Variants in UXS1 observed in about 807,000 individuals in gnomAD.
UXS1 encodes UDP-glucuronate decarboxylase 1.
Under a neutral mutation model 62.6 loss-of-function variants are expected in UXS1, and 33 were observed. The ratio of observed to expected loss-of-function variants is 0.53; its 90% confidence interval spans 0.40 to 0.70. UXS1 has a LOEUF of 0.70. Among genes scored for constraint, UXS1 ranks in the 30% least tolerant of loss-of-function variants. The pLI is 0.00. For missense variants in UXS1, 434 were observed against 556.3 expected, an observed-to-expected ratio of 0.78 and a Z score of 2.21; for synonymous variants, 213 against 206.8, an observed-to-expected ratio of 1.03 and a Z score of -0.26.
chr2:106,138,432 G>C, intron 6 of UXS1: 1 of 985,468 alleles, frequency 1.0e-6, no homozygotes, highest in Non-Finnish European at 1.2e-6. Context: ...TCTAGAGGGA[G>C]GGGAGGCCCC....
chr2:106,143,408 C>CAAAAAAAAAAAAAAAAAAAAAAAAAAAA (rs60493984), intron 6 of UXS1, among the ~76,000 whole-genome samples: 1 of 38,632 alleles, frequency 2.6e-5, no homozygotes, highest in Admixed American at 3.5e-4. Flanking sequence ...GACTCCGTCT[C>CAAAAAAAAAAAAAAAAAAAAAAAAAAAA]AAAAAAAAAA....
intron 13 of UXS1, among the ~76,000 whole-genome samples, chr2:106,098,399 G>A (rs1677303534): frequency 6.6e-6 from 1 of 152,190 alleles, no homozygotes; most frequent in South Asian, 2.1e-4. Context: ...TGCTTGACAT[G>A]ACCAGTTCGG....
intron 1 of UXS1, among the ~76,000 whole-genome samples, chr2:106,192,268 T>C (rs1013768497): frequency 1.8e-4 from 27 of 152,184 alleles, no homozygotes; most frequent in African/African-American, 6.5e-4. Context: ...GTTAAAAAAC[T>C]TTCCTGCTGG....
intron 3 of UXS1, among the ~76,000 whole-genome samples, chr2:106,164,501 T>C (rs1229672252): frequency 1.3e-5 from 2 of 152,220 alleles, no homozygotes; most frequent in Non-Finnish European, 1.5e-5. Flanking sequence ...TGAAAAGTCA[T>C]GTAAAAGTCT....
chr2:106,150,276 AG>A (rs1681904351), intron 5 of UXS1, among the ~76,000 whole-genome samples: 1 of 152,270 alleles, frequency 6.6e-6, no homozygotes, highest in Non-Finnish European at 1.5e-5. Flanking sequence ...TACCATATAA[AG>A]AATGAAAAAG....
intron 5 of UXS1, among the ~76,000 whole-genome samples, chr2:106,148,156 T>C (rs184862554): frequency 2.0e-4 from 31 of 152,252 alleles, no homozygotes; most frequent in Admixed American, 3.3e-4. Context: ...CTACTGCCTG[T>C]CAATTTGTCT....
intron 1 of UXS1, among the ~76,000 whole-genome samples, 178 bp downstream of exon 1, chr2:106,193,970 T>G (rs1195425913): frequency 1.3e-5 from 2 of 151,700 alleles, no homozygotes; most frequent in Non-Finnish European, 2.9e-5. Context: ...GCGCCCAAGT[T>G]GGCCCGCTTT....
intron 10 of UXS1, among the ~76,000 whole-genome samples, chr2:106,106,893 C>T (rs755623355): frequency 6.6e-6 from 1 of 152,190 alleles, no homozygotes; most frequent in Admixed American, 6.5e-5. Flanking sequence ...GCTGGAGTGA[C>T]CTGCATTCAG....
At chr2:106,124,106 C>G (rs754437409) in intron 8 of UXS1, among the ~76,000 whole-genome samples, 6 of 152,226 alleles carry the variant, frequency 3.9e-5, no homozygotes, top group Admixed American at 3.9e-4. Flanking sequence ...GAGCAAACTT[C>G]TCACTACTCA....
At chr2:106,159,517 C>A (rs1401269605) in intron 4 of UXS1, 1 of 152,226 alleles carries the variant, frequency 6.6e-6, no homozygotes, top group African/African-American at 2.4e-5. Context: ...GTCCCAGGAG[C>A]AGGGCAGTGT....
intron 9 of UXS1, among the ~76,000 whole-genome samples, chr2:106,120,733 G>C (rs542749415): frequency 8.5e-5 from 13 of 152,330 alleles, no homozygotes; most frequent in African/African-American, 3.1e-4. Context: ...CGACACCCCT[G>C]TGTGAAGTAC....
At chr2:106,163,615 A>G (rs997281067) in intron 4 of UXS1, 52 bp downstream of exon 4, 9 of 1,321,862 alleles carry the variant, frequency 6.8e-6, no homozygotes, top group Non-Finnish European at 9.2e-6. Context: ...TAATTACTCA[A>G]TTGAGACAAA....
At chr2:106,122,846 G>A in intron 9 of UXS1, 124 bp downstream of exon 9, 1 of 1,284,104 alleles carries the variant, frequency 7.8e-7, no homozygotes, top group Middle Eastern at 2.9e-4. Flanking sequence ...CTGGGAAACT[G>A]AGCTTCCCAA....
intron 7 of UXS1, 31 bp downstream of exon 7, chr2:106,129,643 C>T: frequency 6.5e-7 from 1 of 1,533,664 alleles, no homozygotes; most frequent in Non-Finnish European, 8.9e-7. Flanking sequence ...TTCCCAGCAA[C>T]AGCCAAAAAA....
chr2:106,149,195 A>T (rs570034272), intron 5 of UXS1, among the ~76,000 whole-genome samples: 1 of 152,218 alleles, frequency 6.6e-6, no homozygotes, highest in Non-Finnish European at 1.5e-5. Context: ...AGGGGAAAAA[A>T]AAAACTAAGT....
intron 12 of UXS1, among the ~76,000 whole-genome samples, chr2:106,099,066 A>T (rs577982015): frequency 6.5e-4 from 99 of 152,318 alleles, no homozygotes; most frequent in Non-Finnish European, 1.3e-3. Flanking sequence ...GTATCAGACA[A>T]TTTCCATATC....
At chr2:106,099,743 G>T (rs559417583) in intron 12 of UXS1, among the ~76,000 whole-genome samples, 1 of 152,182 alleles carries the variant, frequency 6.6e-6, no homozygotes, top group Non-Finnish European at 1.5e-5. Flanking sequence ...GAGCAGGGGC[G>T]CCTCGGGCCT....
chr2:106,101,012 C>G (rs772251080), intron 12 of UXS1, 46 bp downstream of exon 12: 1 of 1,610,608 alleles, frequency 6.2e-7, no homozygotes. Flanking sequence ...CACAAATGAA[C>G]GAAAGTCTGA....
intron 1 of UXS1, among the ~76,000 whole-genome samples, chr2:106,193,730 G>A (rs1189557184): frequency 4.6e-5 from 7 of 152,166 alleles, no homozygotes; most frequent in Admixed American, 4.6e-4. Context: ...ATTTTTATCC[G>A]ACTTAACCGA....
Sources: gnomAD v4.1 joint callset for allele counts (sites outside exome capture counted in the v4.1 genomes callset) on GRCh38, gnomAD v4.1.1 for gene constraint, MANE v1.5 for transcripts, NCBI Gene and HGNC (gene_info 2026-07-23, HGNC 2026-07-21) for gene names.